Variants in MOB1B observed in about 807,000 individuals in gnomAD.
MOB1B encodes the protein MOB1 Mps One Binder homolog B.
Under a neutral mutation model 24.4 loss-of-function variants are expected in MOB1B, and 19 were observed. The ratio of observed to expected loss-of-function variants is 0.78; its 90% CI spans 0.54 to 1.14. MOB1B has a LOEUF of 1.14. Ranked by LOEUF, MOB1B falls within the 50% of genes most tolerant of loss-of-function variation. The pLI is 0.00. For missense variants in MOB1B, 243 were observed against 259.6 expected, an observed-to-expected ratio of 0.94 and a Z score of 0.44; for synonymous variants, 76 against 82.1, an observed-to-expected ratio of 0.93 and a Z score of 0.40.
intron 5 of MOB1B, among the ~76,000 whole-genome samples, chr4:70,979,753 C>T (rs1388459870): frequency 6.6e-6 from 1 of 152,090 alleles, no homozygotes; most frequent in Non-Finnish European, 1.5e-5. Flanking sequence ...AAGTTAAGGA[C>T]TATCCATCAT....
chr4:70,946,570 G>A (rs1411948868), intron 1 of MOB1B, among the ~76,000 whole-genome samples: 1 of 152,134 alleles, frequency 6.6e-6, no homozygotes, highest in African/African-American at 2.4e-5. Flanking sequence ...TTATTTATAC[G>A]CATGTAAGTG....
At chr4:70,912,906 A>G (rs188961625) in intron 1 of MOB1B, among the ~76,000 whole-genome samples, 109 of 152,278 alleles carry the variant, frequency 7.2e-4, no homozygotes, top group African/African-American at 2.5e-3. Context: ...GACTACAAGC[A>G]TGTTCTACCA....
At chr4:70,924,291 T>C (rs769529333) in intron 1 of MOB1B, among the ~76,000 whole-genome samples, 4 of 152,166 alleles carry the variant, frequency 2.6e-5, no homozygotes, top group Non-Finnish European at 5.9e-5. Context: ...TATTCAGCTG[T>C]CTTATTTTCA....
chr4:70,936,497 G>A lies in MOB1B; in HGVS notation c.15-22377G>A, dbSNP rs1049159689. Among the ~76,000 whole-genome samples the A allele has an allele frequency of 5.9e-5, 9 of 152,258 alleles. 1 individual carries two copies. The South Asian group carries it at 1.0e-3, about 18-fold the overall frequency. ...ACTGGCATCACAGGCATGAGGCACC[G>A]TGCCTGGCTCATTCGATCTTTTTGA... On this transcript the variant is annotated intron_variant, in intron 1 of 5. Transcript: ENST00000309395.
At position 70,975,228 on chromosome 4, in the gene MOB1B, C is replaced by T. The variant is rs747038359; in HGVS notation, c.351C>T (p.Tyr117=). 8.1e-6 allele frequency: 13 copies of T among 1,613,468 alleles called. No homozygotes were observed. The highest frequency in any genetic ancestry group is 1.1e-5 in the Non-Finnish European group (13 of 1,179,786). Residue 117 remains tyrosine, a synonymous_variant, in exon 4 of 6, where the codon TAC becomes TAT. Coordinates refer to ENST00000309395, the MANE Select transcript of MOB1B (RefSeq NM_173468.4). ...GCTCTGCACCAAAGTATATTGATTACTTGATGACTTGGGTTCAGGACCAGT... is the reference window on the plus strand; with the variant it reads ...GCTCTGCACCAAAGTATATTGATTATTTGATGACTTGGGTTCAGGACCAGT... ...IKCSAPKYID[Y]LMTWVQDQLD...
chr4:70,916,090 T>C (rs1736183403), intron 1 of MOB1B, among the ~76,000 whole-genome samples: 1 of 152,196 alleles, frequency 6.6e-6, no homozygotes, highest in African/African-American at 2.4e-5. Context: ...CGACTCCATT[T>C]TAGTTTGGTT....
chr4:70,924,053 G>A (rs1360735093), intron 1 of MOB1B, among the ~76,000 whole-genome samples: 2 of 152,040 alleles, frequency 1.3e-5, no homozygotes, highest in African/African-American at 4.8e-5. Flanking sequence ...AAACAATGGG[G>A]GAAAGGTATT....
At chr4:70,924,285 C>G (rs1222378909) in intron 1 of MOB1B, among the ~76,000 whole-genome samples, 1 of 152,168 alleles carries the variant, frequency 6.6e-6, no homozygotes, top group Admixed American at 6.5e-5. Context: ...GCCAAATATT[C>G]AGCTGTCTTA....
rs1322697843 is a variant in MOB1B, at chr4:70,902,431, C to G, written c.-106C>G. On this transcript the variant is annotated 5_prime_UTR_variant, in exon 1 of 6. Transcript: ENST00000309395. ...AGCAGCCGGCTCTCGGCACCTCCTCCTCCGCCTCCCTGTCTCCTGTTCCAT... is the reference window on the plus strand; with the variant it reads ...AGCAGCCGGCTCTCGGCACCTCCTCGTCCGCCTCCCTGTCTCCTGTTCCAT... 7.8e-7 allele frequency: 1 copy of G among 1,286,632 alleles called. No individual in the cohort carries two copies. The highest frequency in any genetic ancestry group is 1.1e-6 in the Non-Finnish European group (1 of 907,490). The allele number at this position is 1,286,632 out of a possible 1,614,324, so 79.7% of individuals were successfully genotyped here. A position where few individuals can be genotyped will look rare whatever the true frequency, so the allele number is the denominator to read the frequency against.
rs562167998 is a variant in MOB1B, at chr4:70,923,508, T to C, written c.14+20958T>C. Among the ~76,000 whole-genome samples, 12 of 152,322 alleles carry C rather than the reference T, an allele frequency of 7.9e-5. No individual in the cohort carries two copies. The South Asian group carries it at 1.7e-3, about 21-fold the overall frequency. On this transcript the variant is annotated intron_variant, in intron 1 of 5. Transcript: ENST00000309395. Reference sequence around the variant, plus strand: ...ATGAGCTACCTTGCCTAGTCAAATTTTCTTTTATTGCTACCCTTGTATCTG... The same window carrying C: ...ATGAGCTACCTTGCCTAGTCAAATTCTCTTTTATTGCTACCCTTGTATCTG...
At position 70,982,450 on chromosome 4, in the gene MOB1B, C is replaced by G. The variant is rs1305529949; in HGVS notation, c.*393C>G. ...TTATGTTTTTAAGTGCCTTGGCAGG[C>G]TCACTTCTGAGGTGCAAAACATAGA... On this transcript the variant is annotated 3_prime_UTR_variant, in exon 6 of 6. Coordinates refer to ENST00000309395, the MANE Select transcript of MOB1B (RefSeq NM_173468.4). The G allele has an allele frequency of 6.2e-6, 1 of 161,638 alleles. No individual in the cohort carries two copies. Among genetic ancestry groups the G allele is most frequent in the African/African-American group, 2.4e-5 (1 of 41,530 alleles). The allele number at this position is 161,638 out of a possible 1,614,324, so 10.0% of individuals were successfully genotyped here.
intron 1 of MOB1B, among the ~76,000 whole-genome samples, chr4:70,957,662 C>T (rs928133676): frequency 2.0e-5 from 3 of 151,740 alleles, no homozygotes; most frequent in Admixed American, 1.3e-4. Flanking sequence ...AGGCTGGTCT[C>T]GAACTCCTGG....
At chr4:70,957,432 CTCTT>C (rs957350601) in intron 1 of MOB1B, among the ~76,000 whole-genome samples, 51 of 150,026 alleles carry the variant, frequency 3.4e-4, no homozygotes, top group African/African-American at 1.2e-3. Flanking sequence ...CGCTCTCTCT[CTCTT>C]TTTTTTTTTT....
At chr4:70,953,566 AAGT>A in intron 1 of MOB1B, among the ~76,000 whole-genome samples, 1 of 152,182 alleles carries the variant, frequency 6.6e-6, no homozygotes, top group Non-Finnish European at 1.5e-5. Context: ...CTTTTGTAAA[AAGT>A]CATTTTCCGG....
At chr4:70,971,456 G>A (rs1243631408) in intron 3 of MOB1B, among the ~76,000 whole-genome samples, 1 of 150,696 alleles carries the variant, frequency 6.6e-6, no homozygotes, top group African/African-American at 2.5e-5. Flanking sequence ...AGCTGAGATC[G>A]TGCCAGTGTG....
At chr4:70,963,252 T>G (rs1010393235) in intron 2 of MOB1B, among the ~76,000 whole-genome samples, 1 of 152,030 alleles carries the variant, frequency 6.6e-6, no homozygotes, top group Non-Finnish European at 1.5e-5. Context: ...CATAGCTACT[T>G]GGGAGGCTGA....
At position 70,902,531 on chromosome 4, in the gene MOB1B, G is replaced by A. The variant is rs1460147621; in HGVS notation, c.-6G>A. 15 of 1,564,570 alleles carry A rather than the reference G, an allele frequency of 9.6e-6. No individual in the cohort carries two copies. The highest frequency in any genetic ancestry group is 1.3e-5 in the Non-Finnish European group (15 of 1,155,266). ...CGCCGAGCCTGCAGCCTGCCCCGCG[G>A]CCAACATGAGCTTCTTGTTGTGAGT... On this transcript the variant is annotated 5_prime_UTR_variant, in exon 1 of 6. Transcript: ENST00000309395.
intron 1 of MOB1B, among the ~76,000 whole-genome samples, chr4:70,909,572 G>A (rs1735895082): frequency 6.6e-6 from 1 of 152,074 alleles, no homozygotes; most frequent in Non-Finnish European, 1.5e-5. Context: ...CAGGGACAAA[G>A]TGTTTTAAAT....
At position 70,983,306 on chromosome 4, in the gene MOB1B, T is replaced by C. The variant is rs1045780564; in HGVS notation, c.*1249T>C. On this transcript the variant is annotated 3_prime_UTR_variant, in exon 6 of 6. Transcript: ENST00000309395. ...AGGTCCAGTTTGAAGCATTCTGACT[T>C]CTGGTTTTTCCACCCTGAAAGGAAA... The C allele has an allele frequency of 6.6e-6, 1 of 152,548 alleles. No homozygotes were observed. The highest frequency in any genetic ancestry group is 1.5e-5 in the Non-Finnish European group (1 of 67,984). 9.4% of individuals were successfully genotyped at this position (152,548 alleles called of 1,614,324 possible).
Sources: gnomAD v4.1 joint callset for allele counts (sites outside exome capture counted in the v4.1 genomes callset) on GRCh38, gnomAD v4.1.1 for gene constraint, MANE v1.5 for transcripts, NCBI Gene and HGNC (gene_info 2026-07-23, HGNC 2026-07-21) for gene names.